The following PPARGC1A variants were observed in gnomAD, a reference collection of about 807,000 sequenced individuals.
PPARGC1A encodes the protein PPARG coactivator 1 alpha.
PPARGC1A carries 25 observed loss-of-function variants against 88.7 expected under a neutral mutation model. The ratio of observed to expected loss-of-function variants is 0.28; its 90% CI spans 0.21 to 0.39. The LOEUF is 0.39. PPARGC1A is among the 10% of genes least tolerant of loss of function. PPARGC1A has a pLI of 1.00. For synonymous variants in PPARGC1A, 363 were observed against 355.6 expected (o/e 1.02, Z -0.24); for missense variants, 880 against 968.7 (o/e 0.91, Z 1.22).
At chr4:24,212,029 C>A in the PPARGC1A span, among the ~76,000 whole-genome samples, 1 of 152,126 alleles carries the variant, frequency 6.6e-6, no homozygotes, top group African/African-American at 2.4e-5. Flanking sequence ...CTTTCTACAA[C>A]TTCATCTGAT....
At chr4:24,336,921 A>C in the PPARGC1A span, among the ~76,000 whole-genome samples, 3 of 152,088 alleles carry the variant, frequency 2.0e-5, no homozygotes, top group East Asian at 3.9e-4. Context: ...ATTTAATTTA[A>C]AATAATAATA....
At chr4:24,424,258 CTTTTTTTTTTTTTTTT>C in the PPARGC1A span, among the ~76,000 whole-genome samples, 60 of 44,348 alleles carry the variant, frequency 1.4e-3, 1 homozygote, top group Middle Eastern at 0.026. Context: ...TATACACACA[CTTTTTTTTTTTTTTTT>C]TTTTTTTTTT....
intron 2 of PPARGC1A, among the ~76,000 whole-genome samples, chr4:23,875,592 G>A (rs996115344): frequency 2.0e-5 from 3 of 151,486 alleles, no homozygotes; most frequent in East Asian, 1.9e-4. Flanking sequence ...TGAACAGCCC[G>A]GAATAGCAAT....
rs186900117 is a variant in PPARGC1A, at chr4:23,838,285, G to A, written c.235-6534C>T. Reference sequence around the variant, plus strand: ...TTGCTTCTTTTATACCCAAGTGTGGGCACTGACAGTATATCTGTGCCCCTT... The same window carrying A: ...TTGCTTCTTTTATACCCAAGTGTGGACACTGACAGTATATCTGTGCCCCTT... On this transcript the variant is annotated intron_variant, in intron 2 of 12. Coordinates refer to ENST00000264867, the MANE Select transcript of PPARGC1A (RefSeq NM_013261.5). Among the ~76,000 whole-genome samples the A allele has an allele frequency of 2.7e-3, 405 of 152,116 alleles. 2 individuals carry two copies. Among genetic ancestry groups the A allele is most frequent in the Non-Finnish European group, 4.6e-3 (311 of 68,010 alleles).
chr4:24,466,713 G>A, the PPARGC1A span, among the ~76,000 whole-genome samples: 5 of 151,946 alleles, frequency 3.3e-5, no homozygotes, highest in East Asian at 3.9e-4. Flanking sequence ...TCAGGAGTTC[G>A]AGACCAGCCT....
the PPARGC1A span, among the ~76,000 whole-genome samples, chr4:23,942,964 A>G: frequency 2.6e-5 from 4 of 152,184 alleles, no homozygotes; most frequent in Non-Finnish European, 5.9e-5. Flanking sequence ...GTGCATTTTT[A>G]GTGGAATAAA....
At chr4:23,963,547 G>A in the PPARGC1A span, among the ~76,000 whole-genome samples, 1 of 152,120 alleles carries the variant, frequency 6.6e-6, no homozygotes, top group Non-Finnish European at 1.5e-5. Flanking sequence ...TATTAGTTAA[G>A]ACTCACAGTC....
the PPARGC1A span, among the ~76,000 whole-genome samples, chr4:24,428,288 G>T: frequency 6.6e-6 from 1 of 152,130 alleles, no homozygotes; most frequent in African/African-American, 2.4e-5. Flanking sequence ...ATCAGTGCTG[G>T]CAGAGAGAAT....
chr4:24,033,992 C>T, the PPARGC1A span, among the ~76,000 whole-genome samples: 3 of 152,164 alleles, frequency 2.0e-5, no homozygotes, highest in Non-Finnish European at 4.4e-5. Flanking sequence ...TCCGTTTGGC[C>T]TTCTTCTTCC....
chr4:24,437,473 A>G, the PPARGC1A span, among the ~76,000 whole-genome samples: 1 of 152,194 alleles, frequency 6.6e-6, no homozygotes, highest in Non-Finnish European at 1.5e-5. Context: ...AGACATGAGT[A>G]GCCGGACACA....
chr4:23,991,613 C>T, the PPARGC1A span, among the ~76,000 whole-genome samples: 1 of 152,026 alleles, frequency 6.6e-6, no homozygotes, highest in African/African-American at 2.4e-5. Context: ...TGACCTGCAT[C>T]ATCTCAGCTT....
chr4:23,884,959 A>T (rs1716612189), intron 1 of PPARGC1A, 28 bp from the exon 2 acceptor site: 20 of 1,516,930 alleles, frequency 1.3e-5, no homozygotes, highest in Non-Finnish European at 1.7e-5. Context: ...AAAAAATTTA[A>T]AAAAGCTTCC....
chr4:24,012,147 A>G, the PPARGC1A span, among the ~76,000 whole-genome samples: 9 of 152,280 alleles, frequency 5.9e-5, no homozygotes, highest in Admixed American at 1.3e-4. Context: ...CATGAGCCCA[A>G]TGAATCTTAG....
intron 2 of PPARGC1A, among the ~76,000 whole-genome samples, chr4:23,864,251 C>T (rs1438533365): frequency 6.6e-6 from 1 of 152,192 alleles, no homozygotes; most frequent in South Asian, 2.1e-4. Context: ...TAGAACAGGG[C>T]TTTGTCCACA....
chr4:24,057,671 C>A, the PPARGC1A span, among the ~76,000 whole-genome samples: 1 of 152,242 alleles, frequency 6.6e-6, no homozygotes, highest in African/African-American at 2.4e-5. Context: ...ATCCCTCTTC[C>A]TCAGAAGAGG....
chr4:23,964,306 T>C, the PPARGC1A span, among the ~76,000 whole-genome samples: 1 of 152,210 alleles, frequency 6.6e-6, no homozygotes, highest in Non-Finnish European at 1.5e-5. Flanking sequence ...TCAGAATCTG[T>C]GCTCCTTTCA....
intron 3 of PPARGC1A, among the ~76,000 whole-genome samples, chr4:23,830,663 T>C (rs1267517292): frequency 1.3e-5 from 2 of 152,218 alleles, no homozygotes; most frequent in South Asian, 2.1e-4. Context: ...CTAAATGGCA[T>C]GCCAAACACG....
At chr4:24,060,545 A>G in the PPARGC1A span, among the ~76,000 whole-genome samples, 1,626 of 152,322 alleles carry the variant, frequency 0.011, 77 homozygotes, top group Admixed American at 0.08. Context: ...CAAAAAAAAA[A>G]TCGCTATAAA....
At chr4:23,910,939 C>T in the PPARGC1A span, among the ~76,000 whole-genome samples, 2 of 152,108 alleles carry the variant, frequency 1.3e-5, no homozygotes, top group South Asian at 2.1e-4. Flanking sequence ...CATGCCCTCC[C>T]CTCCCCTCAA....
Sources: gnomAD v4.1 joint callset for allele counts (sites outside exome capture counted in the v4.1 genomes callset) on GRCh38, gnomAD v4.1.1 for gene constraint, MANE v1.5 for transcripts, NCBI Gene and HGNC (gene_info 2026-07-23, HGNC 2026-07-21) for gene names.